Variants in DGKH observed in about 807,000 individuals in gnomAD.
DGKH encodes DAG kinase eta.
A neutral mutation model predicts 159.3 loss-of-function variants in DGKH; 90 were observed. The ratio of observed to expected loss-of-function variants is 0.57; its 90% confidence interval spans 0.48 to 0.67. DGKH has a LOEUF of 0.67. DGKH is among the 30% of genes least tolerant of loss of function. DGKH has a pLI of 0.00. For synonymous variants in DGKH, 536 were observed against 553.8 expected, an observed-to-expected ratio of 0.97 and a Z score of 0.45; for missense variants, 1,181 against 1,506.1, an observed-to-expected ratio of 0.78 and a Z score of 3.57.
chr13:42,151,611 A>C lies in DGKH; in HGVS notation c.385-3680A>C, dbSNP rs538928881. Among the ~76,000 whole-genome samples, 66 of 100,622 alleles carry C rather than the reference A, an allele frequency of 6.6e-4. No homozygotes were observed. In the East Asian group the frequency reaches 0.016, roughly 24 times the overall value. 66.0% of individuals were successfully genotyped at this position (100,622 alleles called of 152,430 possible). The stretch of plus-strand genomic sequence containing the variant: ...CACACACACACACACACACACACAC[A>C]CACCCCATGGAAAACTACTCAGTCA... On this transcript the variant is annotated intron_variant, in intron 3 of 29. Transcript: ENST00000337343.
intron 1 of DGKH, among the ~76,000 whole-genome samples, chr13:42,123,472 GA>G (rs963687555): frequency 1.3e-5 from 2 of 151,412 alleles, no homozygotes; most frequent in African/African-American, 4.9e-5. Context: ...ATTCATAAAA[GA>G]AAAAAATTGA....
chr13:42,249,521 G>C (rs951158887), intron 29 of DGKH, among the ~76,000 whole-genome samples: 9 of 152,158 alleles, frequency 5.9e-5, no homozygotes, highest in Non-Finnish European at 1.2e-4. Flanking sequence ...AACTTTTTAC[G>C]TAAAGGGCCA....
intron 1 of DGKH, among the ~76,000 whole-genome samples, chr13:42,091,304 AT>A (rs1436212095): frequency 6.6e-6 from 1 of 152,316 alleles, no homozygotes; most frequent in Non-Finnish European, 1.5e-5. Flanking sequence ...AAAAGAAAAA[AT>A]AAATAAATTG....
chr13:42,042,287 T>C (rs1412536768), intron 1 of DGKH, among the ~76,000 whole-genome samples: 1 of 152,280 alleles, frequency 6.6e-6, no homozygotes, highest in Non-Finnish European at 1.5e-5. Context: ...ACCTGCATAC[T>C]TTAAGCCAAC....
At position 42,155,336 on chromosome 13, in the gene DGKH, A is replaced by G. The variant is rs1956015992; in HGVS notation, c.430A>G (p.Lys144Glu). Residue 144 changes from lysine to glutamate, a missense_variant, in exon 4 of 30, where the codon AAG becomes GAG. Around this residue, in one of 5 missense-constraint regions of DGKH, gnomAD observed 369 missense variants for 519.4 expected, o/e 0.71. Coordinates refer to ENST00000337343, the MANE Select transcript of DGKH (RefSeq NM_178009.5). ...RRLMLCAENR[K>E]EMEDWISSLK... ...GCTAATGCTGTGTGCTGAGAACAGA[A>G]AGGAGATGGAGGATTGGATCAGCTC... 6.2e-7 allele frequency: 1 copy of G among 1,612,706 alleles called. No homozygotes were observed. Among genetic ancestry groups the G allele is most frequent in the African/African-American group, 1.3e-5 (1 of 74,828 alleles).
At chr13:42,092,207 A>G (rs925519871) in intron 1 of DGKH, among the ~76,000 whole-genome samples, 3 of 152,212 alleles carry the variant, frequency 2.0e-5, no homozygotes, top group African/African-American at 4.8e-5. Context: ...CTAAAAATAG[A>G]TCTACTGTAT....
intron 24 of DGKH, among the ~76,000 whole-genome samples, chr13:42,212,321 C>G (rs937792160): frequency 6.6e-6 from 1 of 152,114 alleles, no homozygotes; most frequent in African/African-American, 2.4e-5. Context: ...CTTACAACTG[C>G]AAAATACTGG....
In DGKH at chr13:42,219,093, C is replaced by T. The variant is rs1298642951; in HGVS notation, c.3214-137C>T. ...TCAATATAAAAGAATTTATTCTTCT[C>T]TTAATATTCCTTAATTTAAAAAATA... On this transcript the variant is annotated intron_variant, in intron 26 of 29. Transcript: ENST00000337343. 15 of 1,093,132 alleles carry T rather than the reference C, an allele frequency of 1.4e-5. No homozygotes were observed. In the East Asian group the frequency reaches 3.8e-4, roughly 28 times the overall value. The allele number at this position is 1,093,132 out of a possible 1,614,324, so 67.7% of individuals were successfully genotyped here. A position where few individuals can be genotyped will look rare whatever the true frequency, so the allele number is the denominator to read the frequency against.
chr13:42,181,622 G>T lies in DGKH; in HGVS notation c.1538+3402G>T, dbSNP rs1956765159. 57 of 314,086 alleles carry T rather than the reference G, an allele frequency of 1.8e-4. 2 individuals are homozygous for T. Among genetic ancestry groups the T allele is most frequent in the South Asian group, 1.4e-3 (54 of 39,884 alleles). The allele number at this position is 314,086 out of a possible 1,614,324, so 19.5% of individuals were successfully genotyped here. A position where few individuals can be genotyped will look rare whatever the true frequency, so the allele number is the denominator to read the frequency against. On this transcript the variant is annotated intron_variant, in intron 13 of 29. Coordinates refer to ENST00000337343, the MANE Select transcript of DGKH (RefSeq NM_178009.5). ...GCAGCTAGTCTCCCAGAGGCTCCTG[G>T]TAAGTGATGTCAGGCCTTGTGAGCC...
intron 24 of DGKH, among the ~76,000 whole-genome samples, chr13:42,212,264 G>A (rs971836008): frequency 1.3e-5 from 2 of 152,122 alleles, no homozygotes; most frequent in African/African-American, 4.8e-5. Context: ...AAGAGAAAAG[G>A]CATACACCCC....
chr13:42,222,631 T>G (rs2138255712), intron 29 of DGKH, among the ~76,000 whole-genome samples: 1 of 152,278 alleles, frequency 6.6e-6, no homozygotes, highest in Admixed American at 6.5e-5. Context: ...CCAACATGTT[T>G]TTGTAACTTC....
chr13:42,086,388 T>C (rs533856875), intron 1 of DGKH, among the ~76,000 whole-genome samples: 9 of 152,336 alleles, frequency 5.9e-5, no homozygotes, highest in African/African-American at 2.2e-4. Context: ...CTCTACAATA[T>C]TGGTATAAGG....
intron 1 of DGKH, among the ~76,000 whole-genome samples, chr13:42,112,561 A>C (rs577926884): frequency 1.3e-5 from 2 of 152,376 alleles, no homozygotes; most frequent in East Asian, 3.9e-4. Flanking sequence ...GCCTGGTCAC[A>C]TGTATTTGGG....
At chr13:42,175,425 C>T (rs1407418312) in intron 12 of DGKH, among the ~76,000 whole-genome samples, 1 of 151,956 alleles carries the variant, frequency 6.6e-6, no homozygotes, top group Non-Finnish European at 1.5e-5. Flanking sequence ...TTATGTGATT[C>T]CATAAACATA....
At chr13:42,212,461 C>G (rs1957679094) in intron 24 of DGKH, among the ~76,000 whole-genome samples, 1 of 152,212 alleles carries the variant, frequency 6.6e-6, no homozygotes, top group Non-Finnish European at 1.5e-5. Context: ...CTTTTAGATA[C>G]TACAGACAAC....
At chr13:42,099,346 G>A (rs529772319) in intron 1 of DGKH, among the ~76,000 whole-genome samples, 5 of 152,206 alleles carry the variant, frequency 3.3e-5, no homozygotes, top group East Asian at 1.9e-4. Context: ...TGCAGAGTGC[G>A]GGGCTGAATA....
chr13:42,120,749 T>C (rs571858274), intron 1 of DGKH, among the ~76,000 whole-genome samples: 19 of 152,326 alleles, frequency 1.2e-4, no homozygotes, highest in Admixed American at 8.5e-4. Context: ...GCTGTAATTT[T>C]TAGTTATGGT....
At chr13:42,115,286 A>C (rs1486976452) in intron 1 of DGKH, among the ~76,000 whole-genome samples, 1 of 152,188 alleles carries the variant, frequency 6.6e-6, no homozygotes, top group Non-Finnish European at 1.5e-5. Context: ...TTGTTTCCTG[A>C]TTCTTCAACA....
At position 42,194,471 on chromosome 13, in the gene DGKH, C is replaced by T. The variant is rs182929582; in HGVS notation, c.2036-414C>T. ...GAAGACAATGTTAAATCATGTTTCA[C>T]GTGTTTGCTCTGGGAATTACATTAA... On this transcript the variant is annotated intron_variant, in intron 16 of 29. Transcript: ENST00000337343. 2.6e-5 allele frequency among the ~76,000 whole-genome samples: 4 copies of T among 152,282 alleles called. No homozygotes were observed. In the East Asian group the frequency reaches 5.8e-4, roughly 22 times the overall value.
Sources: allele counts gnomAD v4.1 joint callset (sites outside exome capture counted in the v4.1 genomes callset), GRCh38; gene constraint gnomAD v4.1.1; regional missense constraint gnomAD v4.1.1; transcripts MANE v1.5; gene names NCBI Gene and HGNC (gene_info 2026-07-23, HGNC 2026-07-21).